The following GDPD4 variants were observed in gnomAD, a reference collection of about 807,000 sequenced individuals.
GDPD4 encodes the protein glycerophosphodiester phosphodiesterase 6.
A neutral mutation model predicts 67.8 loss-of-function variants in GDPD4; 60 were observed. The ratio of observed to expected loss-of-function variants is 0.88; its 90% CI spans 0.72 to 1.10. The LOEUF (loss-of-function observed/expected upper bound fraction) is 1.10. Among genes scored for constraint, GDPD4 ranks in the 50% least tolerant of loss-of-function variants. The pLI, the probability that GDPD4 is intolerant of heterozygous loss-of-function variation, is 0.00. For missense variants in GDPD4, 623 were observed against 613.9 expected, an observed-to-expected ratio of 1.01 and a Z score of -0.16; for synonymous variants, 212 against 210.9, an observed-to-expected ratio of 1.00 and a Z score of -0.04.
intron 7 of GDPD4, among the ~76,000 whole-genome samples, chr11:77,270,346 G>A (rs1168168125): frequency 6.6e-6 from 1 of 152,200 alleles, no homozygotes; most frequent in Non-Finnish European, 1.5e-5. Context: ...AAGTCCTCAG[G>A]TATGACATGG....
chr11:77,267,438 A>G (rs1959183233), intron 10 of GDPD4, among the ~76,000 whole-genome samples: 1 of 152,238 alleles, frequency 6.6e-6, no homozygotes, highest in South Asian at 2.1e-4. Context: ...CCAGGAACAT[A>G]TGAGTGACTC....
chr11:77,229,883 T>C (rs569395440), intron 14 of GDPD4, among the ~76,000 whole-genome samples: 14 of 152,314 alleles, frequency 9.2e-5, no homozygotes, highest in South Asian at 4.1e-4. Context: ...GGTCCTCTCA[T>C]TGAGTTTGAT....
intron 16 of GDPD4, among the ~76,000 whole-genome samples, chr11:77,222,734 C>G (rs1046386875): frequency 6.6e-6 from 1 of 152,000 alleles, no homozygotes; most frequent in African/African-American, 2.4e-5. Context: ...TTGAGGAGTA[C>G]CTTTGTGGTG....
chr11:77,234,064 A>T (rs775961346), intron 13 of GDPD4, among the ~76,000 whole-genome samples: 3 of 152,172 alleles, frequency 2.0e-5, no homozygotes, highest in Non-Finnish European at 4.4e-5. Context: ...AAATTTTTTC[A>T]ACTCTCAAAT....
At chr11:77,253,653 A>T (rs1398203366) in intron 11 of GDPD4, among the ~76,000 whole-genome samples, 2 of 152,088 alleles carry the variant, frequency 1.3e-5, no homozygotes, top group Non-Finnish European at 2.9e-5. Flanking sequence ...CTCAGCCAAA[A>T]CATTGATTCT....
Position 77,269,047 on chromosome 11 carries a change from T to C in GDPD4, c.501A>G (p.Leu167=), listed in dbSNP as rs759467655. The C allele has an allele frequency of 7.3e-5, 117 of 1,613,494 alleles. No homozygotes were observed. The highest frequency in any genetic ancestry group is 9.9e-5 in the Non-Finnish European group (117 of 1,179,820). ...RLRGLQVPVG[L]PFLLILLGLY... is the part of the protein sequence containing the mutation. ...GACCTAAAAGGATAAGAAGAAAGGG[T>C]AATCCAACAGGCACTTGTAGACCTG... Residue 167 remains leucine, a synonymous_variant, in exon 9 of 17, where the codon TTA becomes TTG. Transcript: ENST00000315938.
intron 14 of GDPD4, among the ~76,000 whole-genome samples, chr11:77,230,292 A>G (rs1032561770): frequency 2.0e-5 from 3 of 152,208 alleles, no homozygotes; most frequent in African/African-American, 7.2e-5. Flanking sequence ...AAATGGCTTA[A>G]GTCAACTGTA....
At chr11:77,272,804 G>A (rs1959278261) in intron 5 of GDPD4, among the ~76,000 whole-genome samples, 1 of 151,756 alleles carries the variant, frequency 6.6e-6, no homozygotes, top group African/African-American at 2.4e-5. Context: ...TTTTTTGAGT[G>A]AATATGATCA....
chr11:77,248,958 C>G (rs572691168), intron 11 of GDPD4, among the ~76,000 whole-genome samples: 1 of 149,328 alleles, frequency 6.7e-6, no homozygotes, highest in African/African-American at 2.5e-5. Flanking sequence ...AACTCATGAC[C>G]TCTCCCCTAT....
In GDPD4 at chr11:77,268,455, A is replaced by G; in HGVS notation, c.707+2T>C. 1.2e-6 allele frequency: 2 copies of G among 1,602,702 alleles called. No homozygotes were observed. Among genetic ancestry groups the G allele is most frequent in the Admixed American group, 1.7e-5 (1 of 59,948 alleles). On this transcript the variant is annotated splice_donor_variant, in intron 10 of 16. Coordinates refer to ENST00000315938, the MANE Select transcript of GDPD4 (RefSeq NM_182833.3). LOFTEE classifies it high-confidence loss of function. ...CCTCACCCCAGTTCCCTGCTTTCTTACCTTAAGTGTATATCAGTCTCCAAT... is the reference window on the plus strand; with the variant it reads ...CCTCACCCCAGTTCCCTGCTTTCTTGCCTTAAGTGTATATCAGTCTCCAAT...
chr11:77,288,309 G>T (rs112778471), intron 1 of GDPD4, among the ~76,000 whole-genome samples: 1 of 152,086 alleles, frequency 6.6e-6, no homozygotes, highest in Non-Finnish European at 1.5e-5. Context: ...TGCTAACACT[G>T]CCAGTACCCA....
intron 11 of GDPD4, among the ~76,000 whole-genome samples, chr11:77,253,701 G>T (rs1958949934): frequency 6.6e-6 from 1 of 152,140 alleles, no homozygotes; most frequent in African/African-American, 2.4e-5. Context: ...GGCCTTGGGG[G>T]CCTGACTGTT....
chr11:77,272,182 A>C (rs554241113), intron 5 of GDPD4, among the ~76,000 whole-genome samples: 2 of 152,244 alleles, frequency 1.3e-5, no homozygotes, highest in South Asian at 2.1e-4. Flanking sequence ...CCAAACATTT[A>C]AGGAAGAAAT....
intron 13 of GDPD4, among the ~76,000 whole-genome samples, chr11:77,238,262 C>CT (rs1197213105): frequency 1.3e-5 from 2 of 152,172 alleles, no homozygotes; most frequent in Non-Finnish European, 2.9e-5. Context: ...TGTAAATGTA[C>CT]TAAGTGTCAC....
chr11:77,245,555 T>C lies in GDPD4; in HGVS notation c.865-53A>G, dbSNP rs151093063. ...TAAAAGCACTTTCCAGTTCTCCTAC[T>C]ATGTAGCCACACATCCAGCTCTACC... On this transcript the variant is annotated intron_variant, in intron 11 of 16. Coordinates refer to ENST00000315938, the MANE Select transcript of GDPD4 (RefSeq NM_182833.3). The C allele has an allele frequency of 2.6e-5, 33 of 1,266,550 alleles. No individual in the cohort carries two copies. The African/African-American group carries it at 4.9e-4, about 19-fold the overall frequency. The allele number at this position is 1,266,550 out of a possible 1,614,324, so 78.5% of individuals were successfully genotyped here.
intron 10 of GDPD4, among the ~76,000 whole-genome samples, chr11:77,260,263 G>A (rs561509598): frequency 4.2e-4 from 62 of 146,940 alleles, no homozygotes; most frequent in African/African-American, 1.4e-3. Flanking sequence ...ACAAAATCGC[G>A]CCATTGGACT....
intron 13 of GDPD4, among the ~76,000 whole-genome samples, chr11:77,240,844 A>G (rs1958649817): frequency 6.6e-6 from 1 of 152,238 alleles, no homozygotes; most frequent in African/African-American, 2.4e-5. Context: ...ACTAATCATC[A>G]GGGAAATACA....
At position 77,216,728 on chromosome 11, in the gene GDPD4, TTCCCC is replaced by T; in HGVS notation, c.*544_*548del. On this transcript the variant is annotated 3_prime_UTR_variant, in exon 17 of 17. Coordinates refer to ENST00000315938, the MANE Select transcript of GDPD4 (RefSeq NM_182833.3). Reference sequence around the variant, plus strand: ...ATTCTTGATAGCGAGAGCACAATGGTTCCCCTGAGAGCCTCCGTGGCCCTTCTGTG... The same window carrying T: ...ATTCTTGATAGCGAGAGCACAATGGTTGAGAGCCTCCGTGGCCCTTCTGTG... 1 of 588,970 alleles carries T rather than the reference TTCCCC, an allele frequency of 1.7e-6. No individual in the cohort carries two copies. The highest frequency in any genetic ancestry group is 3.0e-6 in the Non-Finnish European group (1 of 331,910). The allele number at this position is 588,970 out of a possible 1,614,324, so 36.5% of individuals were successfully genotyped here.
At chr11:77,252,719 G>A (rs547879917) in intron 11 of GDPD4, among the ~76,000 whole-genome samples, 1 of 152,254 alleles carries the variant, frequency 6.6e-6, no homozygotes, top group South Asian at 2.1e-4. Flanking sequence ...AGAAGGGTGT[G>A]GTGACTTTGT....
Sources: gnomAD v4.1 joint callset for allele counts (sites outside exome capture counted in the v4.1 genomes callset) on GRCh38, gnomAD v4.1.1 for gene constraint, MANE v1.5 for transcripts, NCBI Gene and HGNC (gene_info 2026-07-23, HGNC 2026-07-21) for gene names.